Variants in IGSF8 observed in about 807,000 individuals in gnomAD.
IGSF8 encodes immunoglobulin superfamily member 8.
Under a neutral mutation model 55.5 loss-of-function variants are expected in IGSF8, and 46 were observed. The observed-to-expected ratio is 0.83, with a 90% CI of 0.65 to 1.06. The LOEUF is 1.06. Ranked by LOEUF, IGSF8 falls within the 50% of genes least tolerant of loss-of-function variation. The pLI is 0.00. For synonymous variants in IGSF8, 314 were observed against 356.1 expected, an observed-to-expected ratio of 0.88 and a Z score of 1.33; for missense variants, 731 against 832.3, an observed-to-expected ratio of 0.88 and a Z score of 1.50.
chr1:160,098,630 C>G, upstream of IGSF8: 1 of 558,792 alleles, frequency 1.8e-6, no homozygotes. Context: ...CCCCTCCCTC[C>G]GCCCCTCCCG....
Position 160,098,491 on chromosome 1 carries a change from G to C in IGSF8, c.-19C>G. 1 of 1,526,962 alleles carries C rather than the reference G, an allele frequency of 6.5e-7. No homozygotes were observed. Among genetic ancestry groups the C allele is most frequent in the Non-Finnish European group, 8.8e-7 (1 of 1,137,808 alleles). 94.6% of individuals were successfully genotyped at this position (1,526,962 alleles called of 1,614,324 possible). A position where few individuals can be genotyped will look rare whatever the true frequency, so the allele number is the denominator to read the frequency against. On this transcript the variant is annotated 5_prime_UTR_variant, in exon 1 of 7. Transcript: ENST00000314485. ...CGCCCATCCTGCGCGGCCAGCTCTG[G>C]GGAGGCTCCGGGGGATGGCGCGGGT...
intron 6 of IGSF8, 37 bp downstream of exon 6, chr1:160,091,771 C>T: frequency 7.4e-7 from 1 of 1,342,830 alleles, no homozygotes; most frequent in Non-Finnish European, 1.1e-6. Context: ...GGTGGGAAGC[C>T]CAATGAAAAC....
upstream of IGSF8, among the ~76,000 whole-genome samples, chr1:160,099,213 C>A (rs1244760534): frequency 6.6e-6 from 1 of 152,086 alleles, no homozygotes; most frequent in Non-Finnish European, 1.5e-5. Flanking sequence ...TTCCACCCCG[C>A]ACCTGCCAGC....
chr1:160,095,460 GGCATCCAGAT>G (rs1485729493), intron 1 of IGSF8: 2 of 595,180 alleles, frequency 3.4e-6, no homozygotes, highest in Non-Finnish European at 3.0e-6. Context: ...GGATTGCCTT[GGCATCCAGAT>G]GCATCCCATT....
At chr1:160,097,606 A>ACCT (rs1179726144) in intron 1 of IGSF8, 94 of 820,048 alleles carry the variant, frequency 1.1e-4, no homozygotes, top group Non-Finnish European at 1.4e-4. Flanking sequence ...TCCCCAGACC[A>ACCT]CCTCCTACAG....
Position 160,093,068 on chromosome 1 carries a change from G to A in IGSF8, c.1168C>T (p.Arg390Trp), listed in dbSNP as rs757227206. 16 of 1,614,006 alleles carry A rather than the reference G, an allele frequency of 9.9e-6. No homozygotes were observed. Among genetic ancestry groups the A allele is most frequent in the Middle Eastern group, 1.6e-4 (1 of 6,082 alleles). Reference sequence around the variant, plus strand: ...GGCCTGGCAGCCTCTAGCCGTAGCCGGTATGTTCTGGATGCCACCTTCTCC... The same window carrying A: ...GGCCTGGCAGCCTCTAGCCGTAGCCAGTATGTTCTGGATGCCACCTTCTCC... The part of the protein sequence containing the change: ...AMEKVASRTY[R>W]LRLEAARPGD... Residue 390 changes from arginine to tryptophan, a missense_variant, in exon 4 of 7, where the codon CGG becomes TGG. Physicochemically the swap from Arg to Trp is moderately radical, Grantham distance 101. Coordinates refer to ENST00000314485, the MANE Select transcript of IGSF8 (RefSeq NM_052868.6).
At chr1:160,098,320 G>A (rs1557993754) in intron 1 of IGSF8, 89 bp downstream of exon 1, 3 of 1,502,342 alleles carry the variant, frequency 2.0e-6, no homozygotes, top group African/African-American at 1.4e-5. Flanking sequence ...GACGGAGGAG[G>A]ATGTGAGGAG....
chr1:160,092,957 A>G lies in IGSF8; in HGVS notation c.1279T>C (p.Ser427Pro). 1.2e-6 allele frequency: 2 copies of G among 1,608,278 alleles called. No individual in the cohort carries two copies. Among genetic ancestry groups the G allele is most frequent in the Non-Finnish European group, 8.5e-7 (1 of 1,175,310 alleles). ...CGCACATGTACAGGGAGAGGCCGGG[A>G]ACGGGCACTGGCTGCTTCACGAAGC... is the stretch of plus-strand genomic sequence containing the variant. The part of the protein sequence containing the change: ...TRLREAASAR[S>P]RPLPVHVREE... Residue 427 changes from serine (S) to proline (P), a missense_variant, in exon 4 of 7, where the codon TCC (serine) becomes CCC (proline). Physicochemically the swap from Ser to Pro is moderately conservative, Grantham distance 74. Coordinates refer to ENST00000314485, the MANE Select transcript of IGSF8 (RefSeq NM_052868.6).
intron 1 of IGSF8, 104 bp downstream of exon 1, chr1:160,098,297 TGGAGGTAC>T: frequency 1.4e-6 from 2 of 1,435,340 alleles, no homozygotes; most frequent in Non-Finnish European, 1.8e-6. Flanking sequence ...CCGGGGAGGC[TGGAGGTAC>T]CCCTGACGGA....
At chr1:160,092,878 G>A in intron 4 of IGSF8, 46 bp downstream of exon 4, 1 of 1,553,420 alleles carries the variant, frequency 6.4e-7, no homozygotes, top group Non-Finnish European at 8.8e-7. Flanking sequence ...GAAGGAAAAG[G>A]GGTTGACAAT....
intron 3 of IGSF8, 53 bp downstream of exon 3, chr1:160,093,657 C>A: frequency 6.9e-7 from 1 of 1,453,960 alleles, no homozygotes. Flanking sequence ...ACAGTGCCCA[C>A]CAGGATACTG....
rs1650211128 is a variant in IGSF8 at position 160,093,870 on chromosome 1, T to G, written c.744A>C (p.Glu248Asp). The change falls in exon 3 of 7, where the codon GAA (glutamate) becomes GAC (aspartate). Residue 248 changes from glutamate to aspartate, a missense_variant. By Grantham distance (45) the Glu-to-Asp change is conservative. Transcript: ENST00000314485. Reference sequence around the variant, plus strand: ...CTACCATGCGGTACCGATCGGTCCCTTCCTTGCCCAGACGAAGCTCCCCTG... The same window carrying G: ...CTACCATGCGGTACCGATCGGTCCCGTCCTTGCCCAGACGAAGCTCCCCTG... ...LAAGELRLGKEGTDRYRMVVG... is the reference protein window; with the variant it reads ...LAAGELRLGKDGTDRYRMVVG... The G allele has an allele frequency of 1.2e-6, 2 of 1,614,214 alleles. No individual in the cohort carries two copies. Among genetic ancestry groups the G allele is most frequent in the Non-Finnish European group, 1.7e-6 (2 of 1,180,024 alleles).
At position 160,098,527 on chromosome 1, in the gene IGSF8, C is replaced by T; in HGVS notation, c.-55G>A. 8.3e-7 allele frequency: 1 copy of T among 1,199,466 alleles called. No individual in the cohort carries two copies. Among genetic ancestry groups the T allele is most frequent in the Non-Finnish European group, 1.1e-6 (1 of 902,188 alleles). The allele number at this position is 1,199,466 out of a possible 1,614,324, so 74.3% of individuals were successfully genotyped here. On this transcript the variant is annotated 5_prime_UTR_variant, in exon 1 of 7. Transcript: ENST00000314485. ...GGGGATGGCGCGGGTTCTGGGGGGC[C>T]GGAAGGGTGGGGGGCGCATGCCCAG...
intron 5 of IGSF8, 149 bp from the exon 6 acceptor site, chr1:160,092,087 G>T: frequency 1.2e-6 from 1 of 815,162 alleles, no homozygotes; most frequent in Non-Finnish European, 2.0e-6. Context: ...CCCTCAGCAT[G>T]CAAGTCAGCA....
chr1:160,093,328 C>T lies in IGSF8; in HGVS notation c.908G>A (p.Ser303Asn), dbSNP rs760250632. The T allele has an allele frequency of 8.0e-5, 126 of 1,580,648 alleles. No individual in the cohort carries two copies. Among genetic ancestry groups the T allele is most frequent in the Non-Finnish European group, 1.1e-4 (125 of 1,155,892 alleles). Residue 303 changes from serine to asparagine, a missense_variant, in exon 4 of 7, where the codon AGC (serine) becomes AAC (asparagine). Ser to Asn is a conservative substitution (Grantham distance 46, BLOSUM62 1). Coordinates refer to ENST00000314485, the MANE Select transcript of IGSF8 (RefSeq NM_052868.6). ...AGGCCCCACTGTCACTGCCAGCTGG[C>T]TGGCTGAAACACAGGTAGGGGAAGA... Reference protein sequence around the residue: ...LAHVDVQTLSSQLAVTVGPGE... With the variant: ...LAHVDVQTLSNQLAVTVGPGE...
Position 160,097,841 on chromosome 1 carries a change from G to A in IGSF8, c.64+568C>T, listed in dbSNP as rs997561956. 13 of 985,358 alleles carry A rather than the reference G, an allele frequency of 1.3e-5. No homozygotes were observed. The African/African-American group carries it at 2.3e-4, about 17-fold the overall frequency. 61.0% of individuals were successfully genotyped at this position (985,358 alleles called of 1,614,324 possible). A position where few individuals can be genotyped will look rare whatever the true frequency, so the allele number is the denominator to read the frequency against. On this transcript the variant is annotated intron_variant, in intron 1 of 6. Coordinates refer to ENST00000314485, the MANE Select transcript of IGSF8 (RefSeq NM_052868.6). ...TGGCTGCAGAGCCAAGTGCCATTTG[G>A]GAGACAGGAAGAAGGGCAAAGAGGG... is the stretch of plus-strand genomic sequence containing the variant.
rs2369406 is a variant in IGSF8, at chr1:160,094,628, T to C, written c.442+241A>G. On this transcript the variant is annotated intron_variant, in intron 2 of 6. Transcript: ENST00000314485. This position sits in a 1 kb window ranked among gnomAD's most constrained non-coding sequence, Gnocchi z 4.0. ...AAGTGGACTGGACAACTTAAGGACA[T>C]TTCTTCTCCCAGGAGGGGTCTTAAT... Among the ~76,000 whole-genome samples the C allele has an allele frequency of 0.55, 82,818 of 151,742 alleles. 22,884 individuals carry two copies. The highest frequency in any genetic ancestry group is 0.55 in the Non-Finnish European group (37,450 of 67,922).
rs973530462 is a variant in IGSF8, at chr1:160,092,569, C to T, written c.1439G>A (p.Trp480Ter). Reference protein sequence around the residue: ...PPGLRLAASWWVERPEDGELS... With the variant: ...PPGLRLAASW ...CTCTCCGTCCTCTGGTCGCTCCACCCACCAGCTGGCGGCCAGCCGCAGTCC... is the reference window on the plus strand; with the variant it reads ...CTCTCCGTCCTCTGGTCGCTCCACCTACCAGCTGGCGGCCAGCCGCAGTCC... The change falls in exon 5 of 7, where the codon TGG becomes TAG. Residue 480 changes from tryptophan to a stop codon, truncating the protein, a stop_gained. Coordinates refer to ENST00000314485, the MANE Select transcript of IGSF8 (RefSeq NM_052868.6). LOFTEE classifies it high-confidence loss of function. The T allele has an allele frequency of 1.2e-6, 2 of 1,609,976 alleles. No homozygotes were observed. The highest frequency in any genetic ancestry group is 1.7e-6 in the Non-Finnish European group (2 of 1,179,684).
chr1:160,091,918 G>A lies in IGSF8; in HGVS notation c.1747C>T (p.Pro583Ser). Residue 583 changes from proline to serine, a missense_variant, in exon 6 of 7, where the codon CCT (proline) becomes TCT (serine). Transcript: ENST00000314485. ...GCCACCCCTGTACCCACCAGCAGAG[G>A]CACAAATAGGGTGTCCAGGGCTGGG... is the stretch of plus-strand genomic sequence containing the variant. ...YMHALDTLFV[P>S]LLVGTGVALV... is the part of the protein sequence containing the mutation. 1 of 1,612,688 alleles carries A rather than the reference G, an allele frequency of 6.2e-7. No individual in the cohort carries two copies. The highest frequency in any genetic ancestry group is 8.5e-7 in the Non-Finnish European group (1 of 1,178,860).
Sources: allele counts gnomAD v4.1 joint callset (sites outside exome capture counted in the v4.1 genomes callset), GRCh38; gene constraint gnomAD v4.1.1; non-coding constraint Gnocchi (gnomAD v3.1); transcripts MANE v1.5; gene names NCBI Gene and HGNC (gene_info 2026-07-23, HGNC 2026-07-21).